Variants in ANKFN1 observed in about 807,000 individuals in gnomAD.
The protein encoded by ANKFN1 is ankyrin repeat and fibronectin type III domain containing 1, also known as ankyrin repeat and fibronectin type-III domain-containing protein 1.
ANKFN1 carries 74 observed loss-of-function variants against 108.7 expected under a neutral mutation model. The ratio of observed to expected loss-of-function variants is 0.68; its 90% confidence interval spans 0.56 to 0.83. The LOEUF (loss-of-function observed/expected upper bound fraction) is 0.83. Ranked by LOEUF, ANKFN1 falls within the 40% of genes least tolerant of loss-of-function variation. The probability of loss-of-function intolerance (pLI) is 0.00; values close to 1 mark genes in which losing one functional copy is unlikely to be tolerated. For synonymous variants in ANKFN1, 547 were observed against 516.2 expected (o/e 1.06, Z -0.81); for missense variants, 1,505 against 1,382.3 (o/e 1.09, Z -1.41).
At chr17:56,179,735 C>T (rs936032284) in intron 1 of ANKFN1, among the ~76,000 whole-genome samples, 4 of 152,208 alleles carry the variant, frequency 2.6e-5, no homozygotes, top group Admixed American at 6.5e-5. Flanking sequence ...ACTGAGTTGT[C>T]TACCTACATA....
chr17:56,152,787 T>C (rs548636524), upstream of ANKFN1, among the ~76,000 whole-genome samples: 3 of 152,332 alleles, frequency 2.0e-5, no homozygotes, highest in East Asian at 5.8e-4. Flanking sequence ...GTTTTCAAAA[T>C]AAGCATGCAC....
intron 4 of ANKFN1, among the ~76,000 whole-genome samples, chr17:56,057,769 AG>A (rs1160184792): frequency 7.6e-6 from 1 of 131,766 alleles, no homozygotes; most frequent in Non-Finnish European, 1.6e-5. Flanking sequence ...TGGGCAACAG[AG>A]TGAAACTCTG....
chr17:56,085,180 C>CATATATATATATATAT lies in ANKFN1; in HGVS notation c.288+38868_288+38883dup, dbSNP rs10572105. On this transcript the variant is annotated intron_variant, in intron 4 of 12. Coordinates refer to the ANKFN1 transcript ENST00000635860. ...TCTGGTTAAATGTTGCCCTCCAAAG[C>CATATATATATATATAT]ATATATATATATATATATATATATA... Among the ~76,000 whole-genome samples the CATATATATATATATAT allele has an allele frequency of 2.8e-3, 391 of 137,680 alleles. 9 individuals are homozygous for CATATATATATATATAT. Among genetic ancestry groups the CATATATATATATATAT allele is most frequent in the African/African-American group, 0.01 (363 of 35,610 alleles). 90.3% of individuals were successfully genotyped at this position (137,680 alleles called of 152,430 possible).
intron 2 of ANKFN1, among the ~76,000 whole-genome samples, chr17:56,223,077 C>A (rs1916000197): frequency 6.6e-6 from 1 of 152,020 alleles, no homozygotes; most frequent in African/African-American, 2.4e-5. Flanking sequence ...CACAAAAATA[C>A]CATTAAGAGG....
At chr17:56,365,178 C>T (rs4794637) in intron 6 of ANKFN1, among the ~76,000 whole-genome samples, 94,732 of 151,988 alleles carry the variant, frequency 0.62, 32,717 homozygotes, top group East Asian at 0.96. Flanking sequence ...TACAATGCAA[C>T]GTTCAAATCT....
At chr17:56,361,892 G>C (rs960510469) in intron 6 of ANKFN1, among the ~76,000 whole-genome samples, 7 of 152,128 alleles carry the variant, frequency 4.6e-5, no homozygotes, top group African/African-American at 1.7e-4. Flanking sequence ...CTGAGAAAGA[G>C]AGAAAGAGAG....
chr17:56,335,786 C>T (rs2045790226), intron 4 of ANKFN1, among the ~76,000 whole-genome samples: 1 of 151,876 alleles, frequency 6.6e-6, no homozygotes, highest in Admixed American at 6.6e-5. Flanking sequence ...GCATCCCTGT[C>T]TTGTGCCAGT....
rs1408482581 is a variant in ANKFN1, at chr17:56,480,821, A to G, written c.2091+3A>G. The G allele has an allele frequency of 2.5e-6, 4 of 1,611,556 alleles. No homozygotes were observed. Among genetic ancestry groups the G allele is most frequent in the Non-Finnish European group, 3.4e-6 (4 of 1,179,136 alleles). On this transcript the variant is annotated splice_donor_region_variant and intron_variant, in intron 17 of 20. Coordinates refer to ENST00000682825, the MANE Select transcript of ANKFN1 (RefSeq NM_001370326.1). ...AGATCAATATACCTCTACACCAGGTACTAGACTTTACCATTTTTATCTTCT... is the reference window on the plus strand; with the variant it reads ...AGATCAATATACCTCTACACCAGGTGCTAGACTTTACCATTTTTATCTTCT...
upstream of ANKFN1, among the ~76,000 whole-genome samples, chr17:56,152,935 C>T (rs910403570): frequency 6.6e-6 from 1 of 152,216 alleles, no homozygotes; most frequent in Non-Finnish European, 1.5e-5. Context: ...CCAGTTCCCA[C>T]CAGACTTCTA....
intron 1 of ANKFN1, among the ~76,000 whole-genome samples, chr17:56,188,467 T>C (rs1164194555): frequency 1.3e-5 from 2 of 149,984 alleles, no homozygotes; most frequent in Non-Finnish European, 3.0e-5. Flanking sequence ...ATTTTAAGTA[T>C]TAAATAAGTA....
At chr17:56,441,583 A>G (rs556866525) in intron 9 of ANKFN1, among the ~76,000 whole-genome samples, 1 of 152,348 alleles carries the variant, frequency 6.6e-6, no homozygotes, top group Admixed American at 6.5e-5. Context: ...AAGATGGAAG[A>G]GGGCCAGAAG....
At chr17:56,319,459 A>C (rs1319650199) in intron 3 of ANKFN1, among the ~76,000 whole-genome samples, 1 of 152,198 alleles carries the variant, frequency 6.6e-6, no homozygotes, top group East Asian at 1.9e-4. Context: ...CCAATAAAAG[A>C]CTTCCCCAGA....
intron 3 of ANKFN1, among the ~76,000 whole-genome samples, chr17:56,302,828 T>C (rs9903434): frequency 2.2e-3 from 337 of 152,306 alleles, no homozygotes; most frequent in African/African-American, 7.7e-3. Flanking sequence ...TTCTTGAATA[T>C]CTTTCTGTGT....
chr17:56,301,407 G>A (rs1212400312), intron 3 of ANKFN1, among the ~76,000 whole-genome samples: 2 of 152,162 alleles, frequency 1.3e-5, no homozygotes, highest in African/African-American at 4.8e-5. Context: ...CAACCATAAT[G>A]GCTTGGTTTA....
chr17:56,147,322 CCTCA>C (rs1908325191), intron 4 of ANKFN1, among the ~76,000 whole-genome samples: 2 of 152,326 alleles, frequency 1.3e-5, no homozygotes, highest in East Asian at 1.9e-4. Context: ...TATAGCAGCA[CCTCA>C]CTCTACTGGT....
intron 3 of ANKFN1, among the ~76,000 whole-genome samples, chr17:56,237,864 T>A (rs981608566): frequency 2.0e-5 from 3 of 152,164 alleles, no homozygotes; most frequent in Admixed American, 2.0e-4. Context: ...TCTGTTGTGA[T>A]GTTAGGTTGT....
At chr17:56,179,234 G>T (rs148926143) in intron 1 of ANKFN1, among the ~76,000 whole-genome samples, 101 of 152,226 alleles carry the variant, frequency 6.6e-4, no homozygotes, top group Admixed American at 1.0e-3. Flanking sequence ...GGAAATTCTA[G>T]GCTTAGGAAA....
intron 4 of ANKFN1, among the ~76,000 whole-genome samples, chr17:56,113,671 G>A (rs925517755): frequency 2.0e-5 from 3 of 152,082 alleles, no homozygotes; most frequent in African/African-American, 7.2e-5. Flanking sequence ...TCTTTGGCAC[G>A]GTGCCTGGAA....
intron 4 of ANKFN1, among the ~76,000 whole-genome samples, chr17:56,138,169 A>G (rs1907700471): frequency 6.6e-6 from 1 of 152,232 alleles, no homozygotes; most frequent in Non-Finnish European, 1.5e-5. Context: ...CTGAGAGTTA[A>G]CACTATGATT....
Sources: allele counts gnomAD v4.1 joint callset (sites outside exome capture counted in the v4.1 genomes callset), GRCh38; gene constraint gnomAD v4.1.1; transcripts MANE v1.5; gene names NCBI Gene and HGNC (gene_info 2026-07-23, HGNC 2026-07-21).